NDRG3: variants seen among roughly 807,000 people sequenced by gnomAD.
NDRG3 encodes NDRG family member 3.
A neutral mutation model predicts 57.2 loss-of-function variants in NDRG3; 23 were observed. That is an observed-to-expected ratio of 0.40 (90% CI 0.29 to 0.57). The LOEUF (loss-of-function observed/expected upper bound fraction) is 0.57, where lower values mean the gene tolerates loss of function less well. Ranked by LOEUF, NDRG3 falls within the 20% of genes least tolerant of loss-of-function variation. NDRG3 has a pLI of 0.42. For synonymous variants in NDRG3, 132 were observed against 162.6 expected (o/e 0.81, Z 1.43); for missense variants, 384 against 457.3 (o/e 0.84, Z 1.46).
chr20:36,730,571 T>C (rs1985221852), intron 1 of NDRG3, among the ~76,000 whole-genome samples: 1 of 151,120 alleles, frequency 6.6e-6, no homozygotes, highest in Non-Finnish European at 1.5e-5. Flanking sequence ...GTAACAAGGG[T>C]CTGTCAGGCT....
At chr20:36,739,868 C>A (rs1377536246) in intron 1 of NDRG3, among the ~76,000 whole-genome samples, 2 of 147,884 alleles carry the variant, frequency 1.4e-5, no homozygotes, top group African/African-American at 5.1e-5. Context: ...TGAGATCACA[C>A]CACTGCACCC....
chr20:36,745,556 A>T (rs558604335), intron 1 of NDRG3, among the ~76,000 whole-genome samples: 1 of 152,270 alleles, frequency 6.6e-6, no homozygotes, highest in East Asian at 1.9e-4. Flanking sequence ...TCTCCCCGGT[A>T]GGGTAGTCGT....
chr20:36,745,535 G>A (rs1986144075), intron 1 of NDRG3, among the ~76,000 whole-genome samples: 1 of 152,198 alleles, frequency 6.6e-6, no homozygotes, highest in Non-Finnish European at 1.5e-5. Context: ...GTTAAGTGGG[G>A]CTAAGAAGCC....
intron 3 of NDRG3, among the ~76,000 whole-genome samples, chr20:36,701,640 T>C (rs894941580): frequency 2.7e-5 from 4 of 148,802 alleles, no homozygotes; most frequent in Non-Finnish European, 4.5e-5. Context: ...CTCCGCCTCC[T>C]GGGTTCAAGC....
rs75364124 is a variant in NDRG3 at position 36,716,706 on chromosome 20, T to C, written c.57+4973A>G. On this transcript the variant is annotated intron_variant, in intron 2 of 15. Coordinates refer to ENST00000349004, the MANE Select transcript of NDRG3 (RefSeq NM_032013.4). ...TTTTCTCAAGCCTCACCTTTGGCTT[T>C]CACAGGGTTCAGTAGTATCTGAACC... 6.4e-3 allele frequency among the ~76,000 whole-genome samples: 968 copies of C among 152,272 alleles called. 9 individuals are homozygous for C. The highest frequency in any genetic ancestry group is 0.01 in the Non-Finnish European group (713 of 68,012).
At chr20:36,715,377 T>C (rs1274642740) in intron 2 of NDRG3, among the ~76,000 whole-genome samples, 1 of 151,916 alleles carries the variant, frequency 6.6e-6, no homozygotes, top group Non-Finnish European at 1.5e-5. Context: ...GTAACCATCA[T>C]GTCTTAGTAC....
At chr20:36,657,229 G>A (rs370528267) in intron 13 of NDRG3, among the ~76,000 whole-genome samples, 93 of 152,192 alleles carry the variant, frequency 6.1e-4, no homozygotes, top group African/African-American at 2.2e-3. Context: ...GCTCACACCT[G>A]TAATCCCAGC....
intron 1 of NDRG3, among the ~76,000 whole-genome samples, chr20:36,729,703 C>T (rs569156251): frequency 5.9e-4 from 89 of 151,856 alleles, no homozygotes; most frequent in African/African-American, 1.4e-3. Context: ...AATTTTTGTA[C>T]GTTTTGTAGT....
At chr20:36,687,007 A>C (rs1422981106) in intron 5 of NDRG3, among the ~76,000 whole-genome samples, 1 of 152,018 alleles carries the variant, frequency 6.6e-6, no homozygotes, top group Non-Finnish European at 1.5e-5. Flanking sequence ...GGTGAACACC[A>C]CCATGCCTGG....
At chr20:36,718,219 GGGGAGA>G (rs1370574911) in intron 2 of NDRG3, among the ~76,000 whole-genome samples, 1 of 152,212 alleles carries the variant, frequency 6.6e-6, no homozygotes, top group African/African-American at 2.4e-5. Flanking sequence ...TACTGGGGAG[GGGGAGA>G]GGGAGGCTAA....
rs747309725 is a variant in NDRG3 at position 36,688,698 on chromosome 20, A to G, written c.180T>C (p.Tyr60=). Residue 60 remains tyrosine, a synonymous_variant, in exon 4 of 16, where the codon TAT becomes TAC. Coordinates refer to ENST00000349004, the MANE Select transcript of NDRG3 (RefSeq NM_032013.4). ...PKGNRPVILT[Y]HDIGLNHKSC... Reference sequence around the variant, plus strand: ...ACATACGGTTGAGGCCAATGTCATGATATGTTAGTATAACTGGTCTGTTTC... The same window carrying G: ...ACATACGGTTGAGGCCAATGTCATGGTATGTTAGTATAACTGGTCTGTTTC... The G allele has an allele frequency of 3.7e-6, 6 of 1,612,564 alleles. 1 individual carries two copies. The East Asian group carries it at 1.3e-4, about 36-fold the overall frequency.
At chr20:36,663,833 G>C (rs1479787678) in intron 12 of NDRG3, among the ~76,000 whole-genome samples, 1 of 152,052 alleles carries the variant, frequency 6.6e-6, no homozygotes, top group Non-Finnish European at 1.5e-5. Context: ...TTTTGAGACA[G>C]AGTCTTTCTC....
chr20:36,660,568 A>ATTTTTTTT, intron 12 of NDRG3, among the ~76,000 whole-genome samples, 184 bp from the exon 13 acceptor site: 1 of 145,270 alleles, frequency 6.9e-6, no homozygotes, highest in African/African-American at 2.6e-5. Context: ...TTATTTATTT[A>ATTTTTTTT]TTTTTTTTTT....
intron 1 of NDRG3, among the ~76,000 whole-genome samples, chr20:36,739,330 C>T (rs1475977314): frequency 6.6e-6 from 1 of 151,262 alleles, no homozygotes; most frequent in Non-Finnish European, 1.5e-5. Context: ...GCCTGTAATC[C>T]TAGCTACTCG....
chr20:36,745,116 G>A (rs1287632253), intron 1 of NDRG3, among the ~76,000 whole-genome samples: 10 of 152,108 alleles, frequency 6.6e-5, no homozygotes, highest in Admixed American at 5.9e-4. Context: ...AGCTCTGCAG[G>A]AAGAAAAAAA....
chr20:36,711,116 TAAAA>T (rs577163182), intron 2 of NDRG3, among the ~76,000 whole-genome samples: 1 of 113,636 alleles, frequency 8.8e-6, no homozygotes, highest in Non-Finnish European at 1.9e-5. Flanking sequence ...CCATCTCTAC[TAAAA>T]AAAAAAAAAA....
At chr20:36,723,711 G>GT (rs150408734) in intron 1 of NDRG3, among the ~76,000 whole-genome samples, 5,165 of 126,976 alleles carry the variant, frequency 0.041, 148 homozygotes, top group Non-Finnish European at 0.06. Context: ...TGGTGTTTTT[G>GT]TTTTTTTTTT....
chr20:36,743,952 G>C (rs1328521132), intron 1 of NDRG3, among the ~76,000 whole-genome samples: 1 of 130,378 alleles, frequency 7.7e-6, no homozygotes, highest in East Asian at 2.2e-4. Flanking sequence ...CCAGGCTGGA[G>C]TGCAGTGGCG....
At chr20:36,654,985 A>C (rs1978532475) in intron 15 of NDRG3, 1 of 673,054 alleles carries the variant, frequency 1.5e-6, no homozygotes, top group African/African-American at 1.8e-5. Flanking sequence ...GGTGAGGCTG[A>C]CAGATACTTC....
Sources: gnomAD v4.1 joint callset for allele counts (sites outside exome capture counted in the v4.1 genomes callset) on GRCh38, gnomAD v4.1.1 for gene constraint, MANE v1.5 for transcripts, NCBI Gene and HGNC (gene_info 2026-07-23, HGNC 2026-07-21) for gene names.